Variants in STRA6 observed in about 807,000 individuals in gnomAD.
The protein encoded by STRA6 is receptor for retinol uptake STRA6.
In STRA6, 48 loss-of-function variants were observed where a neutral mutation model predicts 83.6. The ratio of observed to expected loss-of-function variants is 0.57; its 90% CI spans 0.46 to 0.73. The LOEUF (loss-of-function observed/expected upper bound fraction) is 0.73. Ranked by LOEUF, STRA6 falls within the 30% of genes least tolerant of loss-of-function variation. STRA6 has a pLI of 0.00. For synonymous variants in STRA6, 353 were observed against 362.3 expected, an observed-to-expected ratio of 0.97 and a Z score of 0.29; for missense variants, 760 against 838.8, an observed-to-expected ratio of 0.91 and a Z score of 1.16.
chr15:74,208,022 A>C, intron 1 of STRA6: 12 of 1,364,364 alleles, frequency 8.8e-6, no homozygotes, highest in African/African-American at 1.5e-5. Flanking sequence ...TGCAATTCTC[A>C]TGCCCCCCTC....
rs371958106 is a variant in STRA6, at chr15:74,180,236, C to T, written c.1848G>A (p.Gln616=). The change falls in exon 19 of 19, where the codon CAG becomes CAA. Residue 616 remains glutamine (Q), a synonymous_variant. Coordinates refer to ENST00000395105, the MANE Select transcript of STRA6 (RefSeq NM_022369.4). The part of the protein sequence containing the change: ...LRPGEEDEGM[Q]LLQTKDSMAK... Reference sequence around the variant, plus strand: ...CCATGGAGTCCTTTGTCTGTAGCAGCTGCATCCCTGAGAGAGACGGACTTT... The same window carrying T: ...CCATGGAGTCCTTTGTCTGTAGCAGTTGCATCCCTGAGAGAGACGGACTTT... 1 of 1,614,136 alleles carries T rather than the reference C, an allele frequency of 6.2e-7. No individual in the cohort carries two copies. The highest frequency in any genetic ancestry group is 1.1e-5 in the South Asian group (1 of 91,084).
At chr15:74,181,957 A>G (rs1250143346) in intron 16 of STRA6, among the ~76,000 whole-genome samples, 1 of 152,196 alleles carries the variant, frequency 6.6e-6, no homozygotes, top group African/African-American at 2.4e-5. Flanking sequence ...TTCCAGCCCC[A>G]TGCCGGGTAT....
At position 74,193,312 on chromosome 15, in the gene STRA6, C is replaced by T. The variant is rs538863234; in HGVS notation, c.720+488G>A. Among the ~76,000 whole-genome samples, 22 of 152,308 alleles carry T rather than the reference C, an allele frequency of 1.4e-4. No individual in the cohort carries two copies. In the South Asian group the frequency reaches 4.6e-3, roughly 32 times the overall value. On this transcript the variant is annotated intron_variant, in intron 8 of 18. Coordinates refer to ENST00000395105, the MANE Select transcript of STRA6 (RefSeq NM_022369.4). The stretch of plus-strand genomic sequence containing the variant: ...TCTCATCACTCTAGATCTCCCTGTC[C>T]TTCAGGCCCTTGTAGAGTCTACCTC...
Position 74,184,912 on chromosome 15 carries a change from C to T in STRA6, c.1166+68G>A. On this transcript the variant is annotated intron_variant, in intron 13 of 18. Coordinates refer to ENST00000395105, the MANE Select transcript of STRA6 (RefSeq NM_022369.4). The stretch of plus-strand genomic sequence containing the variant: ...CCCTCCCTCCAGGCCCAGGGCCTCC[C>T]CGCAGGCCCACAGGACTCCCACTCC... The T allele has an allele frequency of 2.7e-6, 4 of 1,505,604 alleles. No homozygotes were observed. In the South Asian group the frequency reaches 3.5e-5, roughly 13 times the overall value. The allele number at this position is 1,505,604 out of a possible 1,614,324, so 93.3% of individuals were successfully genotyped here. A position where few individuals can be genotyped will look rare whatever the true frequency, so the allele number is the denominator to read the frequency against.
intron 4 of STRA6, chr15:74,196,400 AC>A: frequency 1.9e-6 from 1 of 539,392 alleles, no homozygotes; most frequent in Non-Finnish European, 3.3e-6. Flanking sequence ...TCCTCCGCCC[AC>A]CCTGGAAGCT....
chr15:74,202,589 AACC>A, intron 1 of STRA6, 121 bp downstream of exon 1: 4 of 1,462,622 alleles, frequency 2.7e-6, no homozygotes, highest in Non-Finnish European at 2.7e-6. Flanking sequence ...CTGTCTGACC[AACC>A]ACCAGCAGGC....
intron 8 of STRA6, among the ~76,000 whole-genome samples, chr15:74,192,782 C>T (rs1475462713): frequency 6.6e-6 from 1 of 152,232 alleles, no homozygotes; most frequent in Non-Finnish European, 1.5e-5. Context: ...TCTTCTTTCC[C>T]CTTTGAGGGT....
At chr15:74,186,410 C>T (rs527294264) in intron 12 of STRA6, among the ~76,000 whole-genome samples, 1 of 152,226 alleles carries the variant, frequency 6.6e-6, no homozygotes, top group Admixed American at 6.5e-5. Context: ...AAGTTCGAGA[C>T]CAGCCTGACC....
rs2073041318 is a variant in STRA6 at position 74,182,440 on chromosome 15, T to C, written c.1321A>G (p.Ile441Val). 1 of 1,610,534 alleles carries C rather than the reference T, an allele frequency of 6.2e-7. No individual in the cohort carries two copies. The highest frequency in any genetic ancestry group is 1.1e-5 in the South Asian group (1 of 90,408). Residue 441 changes from isoleucine to valine, a missense_variant, in exon 15 of 19, where the codon ATC becomes GTC. Coordinates refer to ENST00000395105, the MANE Select transcript of STRA6 (RefSeq NM_022369.4). ...ICLGLLVQQI[I>V]FFLGTTALAF... ...AGGGCCGTGGTTCCCAGGAAGAAGA[T>C]GATCTGCTGCACCAGGAGCCCTGCC...
upstream of STRA6, among the ~76,000 whole-genome samples, chr15:74,206,958 T>C (rs1445794295): frequency 2.6e-5 from 4 of 152,184 alleles, no homozygotes; most frequent in East Asian, 7.7e-4. Flanking sequence ...CTGCTCACTA[T>C]GGGAGGAGGT....
At chr15:74,197,710 G>A (rs1278593429) in intron 3 of STRA6, 42 bp downstream of exon 3, 1 of 1,609,326 alleles carries the variant, frequency 6.2e-7, no homozygotes, top group Non-Finnish European at 8.5e-7. Context: ...TGCCCAGGCT[G>A]GCAGCAGCTT....
chr15:74,182,702 T>C lies in STRA6; in HGVS notation c.1301-242A>G, dbSNP rs8031769. 885 of 535,414 alleles carry C rather than the reference T, an allele frequency of 1.7e-3. 4 individuals are homozygous for C. Among genetic ancestry groups the C allele is most frequent in the African/African-American group, 0.016 (818 of 52,736 alleles). 33.2% of individuals were successfully genotyped at this position (535,414 alleles called of 1,614,324 possible). On this transcript the variant is annotated intron_variant, in intron 14 of 18. Coordinates refer to ENST00000395105, the MANE Select transcript of STRA6 (RefSeq NM_022369.4). ...AGGCTGTTGTAAGGATCCAATGAGA[T>C]AATGTCTGTGGAAACTCTTAAAATC... is the stretch of plus-strand genomic sequence containing the variant.
chr15:74,193,793 C>T lies in STRA6; in HGVS notation c.720+7G>A, dbSNP rs771244592. The T allele has an allele frequency of 1.2e-6, 2 of 1,613,448 alleles. No homozygotes were observed. Among genetic ancestry groups the T allele is most frequent in the Non-Finnish European group, 1.7e-6 (2 of 1,179,564 alleles). ...AGGAAGAGCTCATCCCAGGCCTGCC[C>T]CTTTACCTTGGAGCCTGCTCCTGTC... On this transcript the variant is annotated splice_region_variant and intron_variant, in intron 8 of 18. Transcript: ENST00000395105.
chr15:74,191,910 A>AT, intron 8 of STRA6: 1 of 318,794 alleles, frequency 3.1e-6, no homozygotes, highest in East Asian at 7.9e-5. Flanking sequence ...TCCAGGTCAG[A>AT]CACCCTCAGG....
At chr15:74,209,526 G>A (rs1283123473), upstream of STRA6, 2 of 1,273,190 alleles carry the variant, frequency 1.6e-6, no homozygotes, top group African/African-American at 3.0e-5. Flanking sequence ...TTCAGGGCTG[G>A]AATTCCAGGT....
intron 2 of STRA6, among the ~76,000 whole-genome samples, chr15:74,200,159 G>A (rs1239005584): frequency 1.3e-5 from 2 of 152,228 alleles, no homozygotes; most frequent in Non-Finnish European, 2.9e-5. Context: ...AGCGGAGGTT[G>A]CAGTGAGCCA....
intron 12 of STRA6, 66 bp downstream of exon 12, chr15:74,189,049 A>T: frequency 6.3e-7 from 1 of 1,593,536 alleles, no homozygotes; most frequent in Non-Finnish European, 8.6e-7. Context: ...TGACTAGGGC[A>T]TAGACCTTGG....
intron 10 of STRA6, 82 bp downstream of exon 10, chr15:74,191,085 A>G (rs1165916865): frequency 6.3e-7 from 1 of 1,581,778 alleles, no homozygotes; most frequent in East Asian, 2.3e-5. Flanking sequence ...GGGGAGCAGG[A>G]GCCAGTCCTC....
At chr15:74,190,753 G>C in intron 11 of STRA6, 87 bp downstream of exon 11, 16 of 1,600,012 alleles carry the variant, frequency 1.0e-5, no homozygotes, top group Non-Finnish European at 1.3e-5. Flanking sequence ...AGCACCTGGA[G>C]AGCTGGGTTG....
Sources: allele counts gnomAD v4.1 joint callset (sites outside exome capture counted in the v4.1 genomes callset), GRCh38; gene constraint gnomAD v4.1.1; transcripts MANE v1.5; gene names NCBI Gene and HGNC (gene_info 2026-07-23, HGNC 2026-07-21).